Variants in TMEM117 observed in about 807,000 individuals in gnomAD.
The protein encoded by TMEM117 is transmembrane protein 117.
TMEM117 carries 27 observed loss-of-function variants against 52.4 expected under a neutral mutation model. The observed-to-expected ratio is 0.51, with a 90% CI of 0.38 to 0.71. The LOEUF is 0.71. Ranked by LOEUF, TMEM117 falls within the 30% of genes least tolerant of loss-of-function variation. The pLI is 0.00. For missense variants in TMEM117, 556 were observed against 630.5 expected, an observed-to-expected ratio of 0.88 and a Z score of 1.26; for synonymous variants, 215 against 206.3, an observed-to-expected ratio of 1.04 and a Z score of -0.36.
At chr12:44,096,115 T>G (rs1353640050) in intron 3 of TMEM117, among the ~76,000 whole-genome samples, 1 of 152,184 alleles carries the variant, frequency 6.6e-6, no homozygotes, top group Non-Finnish European at 1.5e-5. Context: ...CATTCACAAT[T>G]GCTTCAAAGA....
intron 5 of TMEM117, among the ~76,000 whole-genome samples, chr12:44,292,147 C>T (rs888724283): frequency 5.3e-5 from 8 of 151,868 alleles, no homozygotes; most frequent in Admixed American, 2.6e-4. Context: ...TACTCATGAT[C>T]GGTCTGTTCA....
chr12:43,993,869 A>G (rs1945985441), intron 3 of TMEM117, among the ~76,000 whole-genome samples: 2 of 151,900 alleles, frequency 1.3e-5, no homozygotes, highest in Admixed American at 6.6e-5. Context: ...TAATTTTTGT[A>G]TTTTTTGTAG....
intron 3 of TMEM117, among the ~76,000 whole-genome samples, chr12:44,097,845 A>C (rs1302835483): frequency 6.6e-6 from 1 of 151,856 alleles, no homozygotes; most frequent in African/African-American, 2.4e-5. Context: ...TGTACCCTAA[A>C]ACTTAAAGTA....
chr12:43,874,426 CA>C (rs11436135), intron 2 of TMEM117, among the ~76,000 whole-genome samples: 1,440 of 143,938 alleles, frequency 0.01, 25 homozygotes, highest in African/African-American at 0.034. Context: ...ACTAAAAGTA[CA>C]AAAAAAAAAA....
intron 3 of TMEM117, among the ~76,000 whole-genome samples, chr12:43,991,319 T>C (rs546827756): frequency 1.3e-5 from 2 of 152,314 alleles, no homozygotes; most frequent in Non-Finnish European, 2.9e-5. Flanking sequence ...TGTTTCAAAA[T>C]ATCCTTGACA....
chr12:43,819,978 T>C, the TMEM117 span, among the ~76,000 whole-genome samples: 1 of 152,164 alleles, frequency 6.6e-6, no homozygotes, highest in South Asian at 2.1e-4. Context: ...ATAAAGGCAG[T>C]TGAATAAATA....
chr12:44,210,409 A>G (rs2138395595), intron 4 of TMEM117, among the ~76,000 whole-genome samples: 1 of 152,304 alleles, frequency 6.6e-6, no homozygotes, highest in South Asian at 2.1e-4. Context: ...GTGATGTGGT[A>G]GATGAGAAAT....
intron 4 of TMEM117, among the ~76,000 whole-genome samples, chr12:44,207,980 G>A (rs1304485850): frequency 6.6e-6 from 1 of 152,074 alleles, no homozygotes; most frequent in African/African-American, 2.4e-5. Flanking sequence ...CAAAGTTGCT[G>A]TGACTCTTAA....
intron 2 of TMEM117, among the ~76,000 whole-genome samples, chr12:43,853,958 C>CT (rs1207686085): frequency 1.3e-5 from 2 of 151,822 alleles, no homozygotes; most frequent in East Asian, 1.9e-4. Flanking sequence ...GACAACTCAG[C>CT]TTTTTTTTGG....
intron 3 of TMEM117, among the ~76,000 whole-genome samples, chr12:44,105,004 GT>G (rs1947928542): frequency 6.6e-6 from 1 of 151,894 alleles, no homozygotes; most frequent in Non-Finnish European, 1.5e-5. Flanking sequence ...TGGATCTGTG[GT>G]TTGGTGTCTG....
At chr12:44,013,454 C>G (rs73087664) in intron 3 of TMEM117, among the ~76,000 whole-genome samples, 6,417 of 152,228 alleles carry the variant, frequency 0.042, 177 homozygotes, top group Middle Eastern at 0.11. Context: ...TCCCTTCCCC[C>G]AGGTAGGTTA....
At chr12:44,162,035 A>G (rs1158434160) in intron 4 of TMEM117, among the ~76,000 whole-genome samples, 1 of 152,162 alleles carries the variant, frequency 6.6e-6, no homozygotes, top group African/African-American at 2.4e-5. Flanking sequence ...AATCATCAGA[A>G]TATGCCTGTT....
chr12:44,044,288 A>C (rs904632678), intron 3 of TMEM117, among the ~76,000 whole-genome samples: 4 of 152,200 alleles, frequency 2.6e-5, no homozygotes, highest in African/African-American at 9.7e-5. Context: ...AGTGTCATCT[A>C]GGATTTTGGA....
At chr12:44,141,786 G>A (rs1020501591) in intron 3 of TMEM117, among the ~76,000 whole-genome samples, 1 of 152,108 alleles carries the variant, frequency 6.6e-6, no homozygotes, top group African/African-American at 2.4e-5. Context: ...ATAACTTGGG[G>A]GCTTTCAAGT....
At chr12:44,086,694 G>A (rs944349776) in intron 3 of TMEM117, among the ~76,000 whole-genome samples, 13 of 152,090 alleles carry the variant, frequency 8.5e-5, no homozygotes, top group Admixed American at 5.9e-4. Context: ...GATTCAAATG[G>A]TCAAGGGCCA....
the TMEM117 span, among the ~76,000 whole-genome samples, chr12:43,803,926 C>G: frequency 1.4e-4 from 21 of 151,984 alleles, no homozygotes; most frequent in African/African-American, 5.1e-4. Flanking sequence ...TGTTCAAATT[C>G]AAATCTGCCT....
intron 4 of TMEM117, among the ~76,000 whole-genome samples, chr12:44,180,233 A>G (rs1949173545): frequency 6.6e-6 from 1 of 151,958 alleles, no homozygotes; most frequent in Non-Finnish European, 1.5e-5. Flanking sequence ...CATCATCATC[A>G]TCATCATCGT....
chr12:44,160,817 C>T (rs1198936196), intron 4 of TMEM117, among the ~76,000 whole-genome samples: 1 of 152,074 alleles, frequency 6.6e-6, no homozygotes, highest in Non-Finnish European at 1.5e-5. Context: ...AAAGAAATTA[C>T]CCTATCAATG....
chr12:44,172,763 C>T (rs1314816183), intron 4 of TMEM117, among the ~76,000 whole-genome samples: 4 of 152,136 alleles, frequency 2.6e-5, no homozygotes, highest in African/African-American at 9.7e-5. Context: ...TTCGCTGTGT[C>T]ACCCAGGCTG....
Sources: gnomAD v4.1 joint callset for allele counts (sites outside exome capture counted in the v4.1 genomes callset) on GRCh38, gnomAD v4.1.1 for gene constraint, MANE v1.5 for transcripts, NCBI Gene and HGNC (gene_info 2026-07-23, HGNC 2026-07-21) for gene names.